The following RALGAPB variants were observed in gnomAD, a reference collection of about 807,000 sequenced individuals.
RALGAPB encodes the protein Ral GTPase activating protein non-catalytic subunit beta.
Under a neutral mutation model 161.1 loss-of-function variants are expected in RALGAPB, and 25 were observed. The ratio of observed to expected loss-of-function variants is 0.16; its 90% CI spans 0.11 to 0.22. The LOEUF (loss-of-function observed/expected upper bound fraction) is 0.22, where lower values mean the gene tolerates loss of function less well. Among genes scored for constraint, RALGAPB ranks in the 10% least tolerant of loss-of-function variants. RALGAPB has a pLI of 1.00. For synonymous variants in RALGAPB, 629 were observed against 626.1 expected (o/e 1.00, Z -0.07); for missense variants, 1,391 against 1,815.2 (o/e 0.77, Z 4.25).
chr20:38,525,856 G>GCAA (rs774549239), intron 12 of RALGAPB, 39 bp from the exon 13 acceptor site: 5 of 1,601,620 alleles, frequency 3.1e-6, no homozygotes, highest in Non-Finnish European at 3.4e-6. Flanking sequence ...ATCATAAGCT[G>GCAA]CAACAGCTGA....
chr20:38,526,012 A>G lies in RALGAPB; in HGVS notation c.2020A>G (p.Thr674Ala). Residue 674 changes from threonine to alanine, a missense_variant, in exon 13 of 30, where the codon ACG (threonine) becomes GCG (alanine). Thr to Ala is a moderately conservative substitution (Grantham distance 58). Transcript: ENST00000262879. ...ATTAATAGGTGCCTTGCAAACTGAA[A>G]CGGACCCCAACAACACCCAAATGAT... ...NILIGALQTE[T>A]DPNNTQMILG... 6.2e-7 allele frequency: 1 copy of G among 1,613,892 alleles called. No homozygotes were observed. Among genetic ancestry groups the G allele is most frequent in the Non-Finnish European group, 8.5e-7 (1 of 1,179,948 alleles).
At chr20:38,492,494 G>C (rs1259968452) in intron 2 of RALGAPB, among the ~76,000 whole-genome samples, 6 of 151,578 alleles carry the variant, frequency 4.0e-5, no homozygotes, top group African/African-American at 1.5e-4. Flanking sequence ...CCTGTTGTTT[G>C]TGCATTTGCA....
At chr20:38,488,343 T>G in intron 1 of RALGAPB, 60 bp from the exon 2 acceptor site, 1 of 1,119,732 alleles carries the variant, frequency 8.9e-7, no homozygotes, top group Non-Finnish European at 1.3e-6. Flanking sequence ...ATCTGTTTTA[T>G]TTATTTCTGT....
chr20:38,542,981 CT>C (rs1371088738), intron 18 of RALGAPB, among the ~76,000 whole-genome samples: 1 of 152,068 alleles, frequency 6.6e-6, no homozygotes, highest in African/African-American at 2.4e-5. Flanking sequence ...CAAAAATAAG[CT>C]TGCTCCATCC....
intron 6 of RALGAPB, among the ~76,000 whole-genome samples, chr20:38,509,870 A>T (rs2085881648): frequency 6.6e-6 from 1 of 151,682 alleles, no homozygotes; most frequent in African/African-American, 2.4e-5. Context: ...ATTCTGAATT[A>T]CTCTTTATGA....
At chr20:38,572,697 A>C (rs528324278) in intron 28 of RALGAPB, among the ~76,000 whole-genome samples, 1 of 152,218 alleles carries the variant, frequency 6.6e-6, no homozygotes. Context: ...TCCAGGTTTT[A>C]TATGCTTTGG....
At chr20:38,484,004 T>A (rs2122839793) in intron 1 of RALGAPB, among the ~76,000 whole-genome samples, 1 of 151,814 alleles carries the variant, frequency 6.6e-6, no homozygotes, top group Non-Finnish European at 1.5e-5. Context: ...GCCTGGCCAA[T>A]ATGGTGAATA....
At chr20:38,570,672 C>T (rs2088197608) in intron 27 of RALGAPB, 97 bp from the exon 28 acceptor site, 9 of 713,102 alleles carry the variant, frequency 1.3e-5, no homozygotes, top group Non-Finnish European at 2.0e-5. Context: ...ATATATTTGC[C>T]ACTCACTTAT....
rs554764698 is a variant in RALGAPB at position 38,539,616 on chromosome 20, C to T, written c.2380-160C>T. Among the ~76,000 whole-genome samples, 23 of 152,302 alleles carry T rather than the reference C, an allele frequency of 1.5e-4. No individual in the cohort carries two copies. In the East Asian group the frequency reaches 4.4e-3, roughly 29 times the overall value. ...CTATTTTTTGTGGAGTATTACAATACATCTGAAATAATCTGTTCCTGTATA... is the reference window on the plus strand; with the variant it reads ...CTATTTTTTGTGGAGTATTACAATATATCTGAAATAATCTGTTCCTGTATA... On this transcript the variant is annotated intron_variant, in intron 16 of 29. Coordinates refer to ENST00000262879, the MANE Select transcript of RALGAPB (RefSeq NM_020336.4).
chr20:38,511,829 T>C (rs2085966199), intron 6 of RALGAPB, among the ~76,000 whole-genome samples: 1 of 152,212 alleles, frequency 6.6e-6, no homozygotes, highest in Non-Finnish European at 1.5e-5. Flanking sequence ...TGGCCCGTTC[T>C]CAATGAGCTG....
At chr20:38,533,122 C>G (rs528821977) in intron 15 of RALGAPB, among the ~76,000 whole-genome samples, 1 of 152,094 alleles carries the variant, frequency 6.6e-6, no homozygotes, top group South Asian at 2.1e-4. Flanking sequence ...TTTCTGAATT[C>G]TCTACCATGT....
At chr20:38,509,443 T>G (rs1425022887) in intron 6 of RALGAPB, among the ~76,000 whole-genome samples, 8 of 152,222 alleles carry the variant, frequency 5.3e-5, no homozygotes, top group Non-Finnish European at 1.0e-4. Context: ...ACGCGTTCCC[T>G]GTGGTAGATG....
intron 25 of RALGAPB, 137 bp from the exon 26 acceptor site, chr20:38,566,959 A>G (rs2088022708): frequency 7.1e-7 from 1 of 1,407,718 alleles, no homozygotes; most frequent in Non-Finnish European, 9.3e-7. Context: ...TACAGAAAAA[A>G]GTTTGTCAGC....
chr20:38,551,339 C>A, intron 21 of RALGAPB, 116 bp downstream of exon 21: 1 of 1,164,672 alleles, frequency 8.6e-7, no homozygotes, highest in Non-Finnish European at 1.2e-6. Flanking sequence ...ATGACATGGG[C>A]CTCCATCATC....
At chr20:38,570,892 CAT>C in intron 28 of RALGAPB, 45 bp downstream of exon 28, 3 of 1,238,278 alleles carry the variant, frequency 2.4e-6, no homozygotes, top group Non-Finnish European at 3.5e-6. Context: ...CTTTTTTTAA[CAT>C]ATTGATTGCA....
chr20:38,540,005 G>A (rs1037727212), intron 17 of RALGAPB, 47 bp downstream of exon 17: 1 of 1,531,046 alleles, frequency 6.5e-7, no homozygotes, highest in South Asian at 1.2e-5. Flanking sequence ...AAAAATGTAT[G>A]CTAGCAAAAT....
chr20:38,546,990 T>C (rs2087188707), intron 19 of RALGAPB: 1 of 153,088 alleles, frequency 6.5e-6, no homozygotes, highest in Non-Finnish European at 1.5e-5. Context: ...TCCTACCTAC[T>C]CTGATTCCCT....
chr20:38,492,911 G>T lies in RALGAPB; in HGVS notation c.187-19G>T. ...TAGGAACGTGTAATAATTCTATATGGATATTTTCTTTTGTCTAGGTAAAAT... is the reference window on the plus strand; with the variant it reads ...TAGGAACGTGTAATAATTCTATATGTATATTTTCTTTTGTCTAGGTAAAAT... On this transcript the variant is annotated intron_variant, in intron 2 of 29. Coordinates refer to ENST00000262879, the MANE Select transcript of RALGAPB (RefSeq NM_020336.4). 6.4e-7 allele frequency: 1 copy of T among 1,564,664 alleles called. No homozygotes were observed. The highest frequency in any genetic ancestry group is 2.2e-5 in the East Asian group (1 of 44,534).
At position 38,516,350 on chromosome 20, in the gene RALGAPB, G is replaced by A. The variant is rs764075039; in HGVS notation, c.1031G>A (p.Cys344Tyr). 6.2e-7 allele frequency: 1 copy of A among 1,613,752 alleles called. No individual in the cohort carries two copies. Among genetic ancestry groups the A allele is most frequent in the Non-Finnish European group, 8.5e-7 (1 of 1,179,844 alleles). ...IFFRAMRGISCLVDAFLGISR... is the reference protein window; with the variant it reads ...IFFRAMRGISYLVDAFLGISR... ...TTTCGTGCCATGCGTGGAATCAGCT[G>A]TCTGGTGGATGCATTCTTAGGTGAA... Residue 344 changes from cysteine to tyrosine, a missense_variant, in exon 7 of 30, where the codon TGT becomes TAT. By Grantham distance (194) the Cys-to-Tyr change is radical. This residue lies in a region of RALGAPB where 946 missense variants were observed against 1,257.2 expected (regional missense o/e 0.75). Transcript: ENST00000262879.
Sources: allele counts gnomAD v4.1 joint callset (sites outside exome capture counted in the v4.1 genomes callset), GRCh38; gene constraint gnomAD v4.1.1; regional missense constraint gnomAD v4.1.1; transcripts MANE v1.5; gene names NCBI Gene and HGNC (gene_info 2026-07-23, HGNC 2026-07-21).